CACNA1E: variants seen among roughly 807,000 people sequenced by gnomAD.
CACNA1E encodes calcium voltage-gated channel subunit alpha1 E, also known as voltage-dependent R-type calcium channel subunit alpha-1E.
CACNA1E carries 40 observed loss-of-function variants against 259.2 expected under a neutral mutation model. The ratio of observed to expected loss-of-function variants is 0.15; its 90% CI spans 0.12 to 0.20. The LOEUF is 0.20. Ranked by LOEUF, CACNA1E falls within the 10% of genes least tolerant of loss-of-function variation. CACNA1E has a pLI of 1.00. For missense variants in CACNA1E, 1,874 were observed against 3,040.1 expected, an observed-to-expected ratio of 0.62 and a Z score of 9.02; for synonymous variants, 1,104 against 1,138.5, an observed-to-expected ratio of 0.97 and a Z score of 0.61.
rs1572935381 is a variant in CACNA1E, at chr1:181,803,138, G to A, written c.*4304G>A. The A allele has an allele frequency of 6.6e-6, 1 of 152,186 alleles. No individual in the cohort carries two copies. Among genetic ancestry groups the A allele is most frequent in the African/African-American group, 2.4e-5 (1 of 41,440 alleles). The allele number at this position is 152,186 out of a possible 1,614,324, so 9.4% of individuals were successfully genotyped here. ...GAGAGGCGTTGCCATGCCTTGGGGT[G>A]AATTCTTCCCCACTAGCTCTCTCAC... On this transcript the variant is annotated 3_prime_UTR_variant, in exon 48 of 48. Transcript: ENST00000367573.
intron 3 of CACNA1E, among the ~76,000 whole-genome samples, chr1:181,538,592 A>C (rs942120631): frequency 5.3e-5 from 8 of 152,208 alleles, no homozygotes; most frequent in Non-Finnish European, 8.8e-5. Context: ...AGCAATTGCA[A>C]TACATCACCG....
At chr1:181,615,640 T>C (rs1655138776) in intron 6 of CACNA1E, among the ~76,000 whole-genome samples, 1 of 152,264 alleles carries the variant, frequency 6.6e-6, no homozygotes, top group South Asian at 2.1e-4. Context: ...ATTTTAGTAG[T>C]GTATCTGAAG....
intron 37 of CACNA1E, among the ~76,000 whole-genome samples, chr1:181,775,883 C>T (rs1222275321): frequency 2.6e-5 from 4 of 152,222 alleles, no homozygotes; most frequent in South Asian, 2.1e-4. Context: ...TCCTGGTCTA[C>T]ACTCTTTAGC....
intron 6 of CACNA1E, among the ~76,000 whole-genome samples, chr1:181,586,667 A>G (rs1167038765): frequency 2.0e-5 from 3 of 152,212 alleles, no homozygotes; most frequent in East Asian, 3.8e-4. Context: ...TTATTACTAG[A>G]GTATCTTGCA....
At chr1:181,752,579 C>A (rs1216861210) in intron 27 of CACNA1E, among the ~76,000 whole-genome samples, 2 of 152,192 alleles carry the variant, frequency 1.3e-5, no homozygotes, top group Non-Finnish European at 2.9e-5. Flanking sequence ...AGAATGGAAG[C>A]AACGGGATCC....
Position 181,325,290 on chromosome 1 carries a change from G to C in CACNA1E, c.-15+7167G>C, listed in dbSNP as rs573019501. 1.8e-4 allele frequency among the ~76,000 whole-genome samples: 27 copies of C among 152,268 alleles called. 1 individual carries two copies. In the South Asian group the frequency reaches 2.7e-3, roughly 15 times the overall value. Reference sequence around the variant, plus strand: ...GTGTCCCTGCCCCTCACTTCCCTTTGGGTTTATCATGCTTCCTGCCCTTAG... The same window carrying C: ...GTGTCCCTGCCCCTCACTTCCCTTTCGGTTTATCATGCTTCCTGCCCTTAG... On this transcript the variant is annotated intron_variant, in intron 1 of 11. Transcript: ENST00000524607.
At chr1:181,667,937 TC>T (rs1460321130) in intron 7 of CACNA1E, among the ~76,000 whole-genome samples, 1 of 152,048 alleles carries the variant, frequency 6.6e-6, no homozygotes, top group Non-Finnish European at 1.5e-5. Context: ...TCTCCCAGTT[TC>T]CCCCAGTGGT....
chr1:181,682,689 A>C (rs1572585665), intron 7 of CACNA1E, among the ~76,000 whole-genome samples: 3 of 152,352 alleles, frequency 2.0e-5, no homozygotes, highest in Admixed American at 2.0e-4. Context: ...CAAGAAACTT[A>C]CAATTGTGGC....
At chr1:181,730,193 G>T (rs534648807) in intron 18 of CACNA1E, among the ~76,000 whole-genome samples, 1 of 152,336 alleles carries the variant, frequency 6.6e-6, no homozygotes, top group East Asian at 1.9e-4. Flanking sequence ...GGATTAATTT[G>T]CCTAGCATGT....
At chr1:181,738,519 A>G (rs1558329167) in intron 24 of CACNA1E, 93 bp downstream of exon 24, 3 of 976,354 alleles carry the variant, frequency 3.1e-6, no homozygotes, top group East Asian at 2.4e-5. Context: ...GTTACCACCT[A>G]CCAGCCAATG....
rs79203886 is a variant in CACNA1E, at chr1:181,474,487, G to A, written c.435-9257G>A. ...TATTAAGCCTGTCTGAAAACTTCCC[G>A]TAGCATGGGAAGATAACCTGCATGT... On this transcript the variant is annotated intron_variant, in intron 2 of 11. Transcript: ENST00000524607. Among the ~76,000 whole-genome samples the A allele has an allele frequency of 3.9e-3, 596 of 152,280 alleles. 5 individuals are homozygous for A. Among genetic ancestry groups the A allele is most frequent in the African/African-American group, 0.014 (576 of 41,532 alleles).
chr1:181,704,645 T>C (rs2102395047), intron 7 of CACNA1E, among the ~76,000 whole-genome samples: 1 of 152,216 alleles, frequency 6.6e-6, no homozygotes, highest in African/African-American at 2.4e-5. Context: ...TCCATGCCAA[T>C]GTGTGTGATG....
At chr1:181,494,000 T>C (rs993318056) in intron 1 of CACNA1E, among the ~76,000 whole-genome samples, 16 of 152,216 alleles carry the variant, frequency 1.1e-4, no homozygotes, top group African/African-American at 3.9e-4. Flanking sequence ...ACCATCCTCT[T>C]CCAGGCCTCC....
At position 181,668,436 on chromosome 1, in the gene CACNA1E, G is replaced by C. The variant is rs544182537; in HGVS notation, c.1055+16995G>C. Among the ~76,000 whole-genome samples, 3 of 152,266 alleles carry C rather than the reference G, an allele frequency of 2.0e-5. No homozygotes were observed. In the East Asian group the frequency reaches 5.8e-4, roughly 29 times the overall value. On this transcript the variant is annotated intron_variant, in intron 7 of 47. Transcript: ENST00000367573. ...TTTCAGTTTGGGTTACTACAAGTAA[G>C]GCTGCTATGAAGAACATTTGTGTAC...
intron 6 of CACNA1E, among the ~76,000 whole-genome samples, chr1:181,626,069 C>A (rs1043498456): frequency 3.8e-4 from 58 of 152,168 alleles, no homozygotes; most frequent in Non-Finnish European, 8.1e-4. Context: ...ATCAATTAAG[C>A]ATACCAACTT....
chr1:181,510,050 C>T (rs1389243046), intron 1 of CACNA1E, among the ~76,000 whole-genome samples: 1 of 152,188 alleles, frequency 6.6e-6, no homozygotes, highest in Admixed American at 6.5e-5. Context: ...GCACAAGCAT[C>T]GTTACCCAGT....
intron 2 of CACNA1E, among the ~76,000 whole-genome samples, chr1:181,445,448 G>C: frequency 6.6e-6 from 1 of 151,736 alleles, no homozygotes; most frequent in East Asian, 1.9e-4. Context: ...GGGTTTCAGG[G>C]CTGGAGAGGA....
At chr1:181,601,504 C>T (rs950261636) in intron 6 of CACNA1E, among the ~76,000 whole-genome samples, 2 of 152,090 alleles carry the variant, frequency 1.3e-5, no homozygotes, top group African/African-American at 4.8e-5. Flanking sequence ...TTTTTCATAC[C>T]TCTTATATCA....
intron 7 of CACNA1E, among the ~76,000 whole-genome samples, chr1:181,672,712 C>T (rs191973659): frequency 5.9e-5 from 9 of 152,318 alleles, no homozygotes; most frequent in East Asian, 5.8e-4. Context: ...TGCAAGGTTG[C>T]GCTGTGCTGG....
Sources: allele counts gnomAD v4.1 joint callset (sites outside exome capture counted in the v4.1 genomes callset), GRCh38; gene constraint gnomAD v4.1.1; transcripts MANE v1.5; gene names NCBI Gene and HGNC (gene_info 2026-07-23, HGNC 2026-07-21).